Variants in MAPK14 observed in about 807,000 individuals in gnomAD.
The protein encoded by MAPK14 is mitogen-activated protein kinase 14.
MAPK14 carries 16 observed loss-of-function variants against 49.6 expected under a neutral mutation model. The ratio of observed to expected loss-of-function variants is 0.32; its 90% CI spans 0.22 to 0.49. The LOEUF is 0.49. MAPK14 is among the 20% of genes least tolerant of loss of function. The probability of loss-of-function intolerance (pLI) is 0.99; values close to 1 mark genes in which losing one functional copy is unlikely to be tolerated. For missense variants in MAPK14, 200 were observed against 441.2 expected, an observed-to-expected ratio of 0.45 and a Z score of 4.90; for synonymous variants, 142 against 158.0, an observed-to-expected ratio of 0.90 and a Z score of 0.76.
chr6:36,062,192 G>A (rs1763848232), intron 3 of MAPK14, among the ~76,000 whole-genome samples: 1 of 152,022 alleles, frequency 6.6e-6, no homozygotes. Flanking sequence ...GCCTAGGCTG[G>A]TCTCGAACTC....
At chr6:36,089,363 C>T (rs1454138651) in intron 8 of MAPK14, among the ~76,000 whole-genome samples, 1 of 152,150 alleles carries the variant, frequency 6.6e-6, no homozygotes, top group Non-Finnish European at 1.5e-5. Flanking sequence ...GAGAACAACA[C>T]ACGCTGGGGC....
At chr6:36,091,730 AT>A (rs1765237436) in intron 8 of MAPK14, among the ~76,000 whole-genome samples, 1 of 151,260 alleles carries the variant, frequency 6.6e-6, no homozygotes, top group African/African-American at 2.4e-5. Flanking sequence ...AGTTACTAAG[AT>A]TTTTATTTTA....
At chr6:36,029,118 T>C (rs1762433842) in intron 1 of MAPK14, 1 of 152,146 alleles carries the variant, frequency 6.6e-6, no homozygotes, top group Non-Finnish European at 1.5e-5. Flanking sequence ...TTCAGATCTG[T>C]AAGGCGCCCT....
Position 36,095,908 on chromosome 6 carries a change from T to C in MAPK14, c.683-79T>C. The stretch of plus-strand genomic sequence containing the variant: ...TTTTGTTCTCGGTGTGTTCTGTTTG[T>C]TTGTTTTTGTTTTGTTTGTCATTGT... On this transcript the variant is annotated intron_variant, in intron 8 of 11. Transcript: ENST00000229794. 3 of 895,212 alleles carry C rather than the reference T, an allele frequency of 3.4e-6. No individual in the cohort carries two copies. In the Admixed American group the frequency reaches 6.1e-5, roughly 18 times the overall value. 55.5% of individuals were successfully genotyped at this position (895,212 alleles called of 1,614,324 possible). A position where few individuals can be genotyped will look rare whatever the true frequency, so the allele number is the denominator to read the frequency against.
intron 10 of MAPK14, among the ~76,000 whole-genome samples, chr6:36,105,469 T>G (rs1466564422): frequency 6.6e-6 from 1 of 152,174 alleles, no homozygotes; most frequent in Non-Finnish European, 1.5e-5. Context: ...AACATGGTCC[T>G]TTTTACCCTA....
chr6:36,105,327 C>T (rs77688330), intron 10 of MAPK14, among the ~76,000 whole-genome samples: 10 of 152,128 alleles, frequency 6.6e-5, no homozygotes, highest in African/African-American at 2.4e-4. Context: ...ATGATAACCT[C>T]GAACTCTTGT....
intron 8 of MAPK14, among the ~76,000 whole-genome samples, chr6:36,088,164 G>A (rs7762483): frequency 1.3e-5 from 2 of 151,850 alleles, no homozygotes; most frequent in Non-Finnish European, 2.9e-5. Context: ...AACCCAAAAC[G>A]ATAAAAACCC....
intron 9 of MAPK14, among the ~76,000 whole-genome samples, chr6:36,100,557 G>A (rs1349802758): frequency 6.6e-6 from 1 of 152,194 alleles, no homozygotes; most frequent in East Asian, 1.9e-4. Flanking sequence ...CCTGTAGCTA[G>A]GGTGTGCTAC....
chr6:36,093,715 C>T (rs1397980616), intron 8 of MAPK14, among the ~76,000 whole-genome samples: 2 of 108,460 alleles, frequency 1.8e-5, no homozygotes, highest in East Asian at 2.4e-4. Flanking sequence ...CGAGAGACTC[C>T]GTCTCAAAAA....
At chr6:36,101,409 C>T (rs925918282) in intron 9 of MAPK14, among the ~76,000 whole-genome samples, 1 of 152,044 alleles carries the variant, frequency 6.6e-6, no homozygotes. Context: ...TGACCTCCAG[C>T]CTAGGCAACA....
chr6:36,108,570 G>GT lies in MAPK14; in HGVS notation c.*124dup, dbSNP rs1765870957. ...GATTTCCTCCATGGTGGAAGGGGGT[G>GT]TGCGTGCGTGTGCGTGCGTGTTAGT... is the stretch of plus-strand genomic sequence containing the variant. On this transcript the variant is annotated 3_prime_UTR_variant, in exon 12 of 12. Coordinates refer to ENST00000229794, the MANE Select transcript of MAPK14 (RefSeq NM_139012.3). 3.9e-6 allele frequency: 2 copies of GT among 513,780 alleles called. No individual in the cohort carries two copies. Among genetic ancestry groups the GT allele is most frequent in the Middle Eastern group, 4.4e-4 (1 of 2,270 alleles). The allele number at this position is 513,780 out of a possible 1,614,324, so 31.8% of individuals were successfully genotyped here. A position where few individuals can be genotyped will look rare whatever the true frequency, so the allele number is the denominator to read the frequency against.
chr6:36,102,660 C>T lies in MAPK14; in HGVS notation c.841+11C>T, dbSNP rs199841727. 333 of 1,612,594 alleles carry T rather than the reference C, an allele frequency of 2.1e-4. No homozygotes were observed. The African/African-American group carries it at 3.5e-3, about 17-fold the overall frequency. Reference sequence around the variant, plus strand: ...GTGCCAATCCCCTGGGTAAGTTGACCATATATCCTCACCTCATGGATATTG... The same window carrying T: ...GTGCCAATCCCCTGGGTAAGTTGACTATATATCCTCACCTCATGGATATTG... On this transcript the variant is annotated intron_variant, in intron 10 of 11. Coordinates refer to ENST00000229794, the MANE Select transcript of MAPK14 (RefSeq NM_139012.3).
intron 10 of MAPK14, among the ~76,000 whole-genome samples, chr6:36,104,274 C>G (rs1286339712): frequency 2.6e-5 from 4 of 152,170 alleles, no homozygotes; most frequent in Non-Finnish European, 4.4e-5. Flanking sequence ...CCCTGGCATG[C>G]TCTCATTGGC....
At chr6:36,031,969 A>G (rs1237882054) in intron 1 of MAPK14, among the ~76,000 whole-genome samples, 1 of 151,982 alleles carries the variant, frequency 6.6e-6, no homozygotes, top group African/African-American at 2.4e-5. Flanking sequence ...TTTTGTAGAG[A>G]TAGGGTCTTA....
At chr6:36,117,876 T>G in the MAPK14 span, among the ~76,000 whole-genome samples, 1 of 152,268 alleles carries the variant, frequency 6.6e-6, no homozygotes, top group South Asian at 2.1e-4. Context: ...AGTCCATAAA[T>G]GACTGTCAGC....
Position 36,096,225 on chromosome 6 carries a change from G to C in MAPK14, c.762+159G>C, listed in dbSNP as rs1002339535. 6.8e-6 allele frequency: 4 copies of C among 586,718 alleles called. No individual in the cohort carries two copies. The African/African-American group carries it at 7.5e-5, about 11-fold the overall frequency. 36.3% of individuals were successfully genotyped at this position (586,718 alleles called of 1,614,324 possible). On this transcript the variant is annotated intron_variant, in intron 9 of 11. Coordinates refer to ENST00000229794, the MANE Select transcript of MAPK14 (RefSeq NM_139012.3). ...TATAAGACAGTGTGAGTGTGTGTGT[G>C]CGTGCACGCATGTGTGCCTGCTTGC... is the stretch of plus-strand genomic sequence containing the variant.
intron 3 of MAPK14, among the ~76,000 whole-genome samples, chr6:36,069,764 AT>A (rs1764198268): frequency 6.6e-6 from 1 of 151,934 alleles, no homozygotes; most frequent in Non-Finnish European, 1.5e-5. Context: ...GCTGCCTAAG[AT>A]TTCTTAACTC....
downstream of MAPK14, among the ~76,000 whole-genome samples, chr6:36,114,391 C>T (rs1323335447): frequency 5.3e-5 from 8 of 152,156 alleles, no homozygotes; most frequent in South Asian, 2.1e-4. Context: ...CCGAGGTGGG[C>T]GGATCACCTG....
At chr6:36,087,534 T>C (rs1765036567) in intron 8 of MAPK14, among the ~76,000 whole-genome samples, 1 of 152,112 alleles carries the variant, frequency 6.6e-6, no homozygotes, top group African/African-American at 2.4e-5. Flanking sequence ...TATTCACAAC[T>C]GCTAAAAGAG....
Sources: gnomAD v4.1 joint callset for allele counts (sites outside exome capture counted in the v4.1 genomes callset) on GRCh38, gnomAD v4.1.1 for gene constraint, MANE v1.5 for transcripts, NCBI Gene and HGNC (gene_info 2026-07-23, HGNC 2026-07-21) for gene names.